Variants in CFAP58 observed in about 807,000 individuals in gnomAD.
CFAP58 encodes cilia- and flagella-associated protein 58.
A neutral mutation model predicts 119.5 loss-of-function variants in CFAP58; 88 were observed. The ratio of observed to expected loss-of-function variants is 0.74; its 90% CI spans 0.62 to 0.88. The LOEUF (loss-of-function observed/expected upper bound fraction) is 0.88, where lower values mean the gene tolerates loss of function less well. Among genes scored for constraint, CFAP58 ranks in the 40% least tolerant of loss-of-function variants. CFAP58 has a pLI of 0.00. For synonymous variants in CFAP58, 365 were observed against 366.3 expected (o/e 1.00, Z 0.04); for missense variants, 990 against 1,021.2 (o/e 0.97, Z 0.42).
intron 7 of CFAP58, among the ~76,000 whole-genome samples, chr10:104,375,785 G>A (rs1320281021): frequency 2.6e-5 from 4 of 151,624 alleles, no homozygotes. Context: ...GGGGTGGATG[G>A]GGTCGGGGGG....
At chr10:104,419,918 A>G (rs1196145494) in intron 15 of CFAP58, among the ~76,000 whole-genome samples, 1 of 152,194 alleles carries the variant, frequency 6.6e-6, no homozygotes. Flanking sequence ...TTTTGGAGGA[A>G]ATATATAGGT....
intron 15 of CFAP58, among the ~76,000 whole-genome samples, chr10:104,442,888 C>G (rs2013061256): frequency 6.6e-6 from 1 of 152,196 alleles, no homozygotes; most frequent in South Asian, 2.1e-4. Context: ...TATGCAAGCT[C>G]TGCTAACTGG....
chr10:104,359,617 T>A (rs2014639988), intron 2 of CFAP58, among the ~76,000 whole-genome samples: 1 of 152,074 alleles, frequency 6.6e-6, no homozygotes, highest in Non-Finnish European at 1.5e-5. Flanking sequence ...GCCAACATGG[T>A]GAAACCCCGT....
rs1026893947 is a variant in CFAP58 at position 104,418,286 on chromosome 10, C to A, written c.2256+11493C>A. On this transcript the variant is annotated intron_variant, in intron 15 of 17. Transcript: ENST00000369704. ...ATTGGAGGCTGGGTGCGGTGGCTCA[C>A]GCCTGTAATCCCAGCACTTTGGGAG... Among the ~76,000 whole-genome samples, 38 of 152,282 alleles carry A rather than the reference C, an allele frequency of 2.5e-4. 1 individual carries two copies. Among genetic ancestry groups the A allele is most frequent in the Middle Eastern group, 3.4e-3 (1 of 294 alleles).
intron 1 of CFAP58, among the ~76,000 whole-genome samples, chr10:104,356,824 A>G (rs2135240815): frequency 6.6e-6 from 1 of 152,342 alleles, no homozygotes; most frequent in Non-Finnish European, 1.5e-5. Flanking sequence ...TTCCCTGTGG[A>G]TAAGCTGTTT....
intron 9 of CFAP58, among the ~76,000 whole-genome samples, chr10:104,385,280 G>T (rs1485122776): frequency 6.6e-6 from 1 of 152,136 alleles, no homozygotes; most frequent in Admixed American, 6.6e-5. Flanking sequence ...CCAGCACATA[G>T]AATGGAAAGT....
intron 4 of CFAP58, among the ~76,000 whole-genome samples, chr10:104,365,370 C>A (rs1217576370): frequency 1.3e-5 from 2 of 152,174 alleles, no homozygotes; most frequent in Non-Finnish European, 2.9e-5. Context: ...AAGAAAAAGG[C>A]TTTTCATAGC....
the CFAP58 span, among the ~76,000 whole-genome samples, chr10:104,348,751 T>G: frequency 2.0e-5 from 3 of 152,204 alleles, no homozygotes; most frequent in Non-Finnish European, 4.4e-5. Context: ...CTCTAACTCA[T>G]ACATATCATT....
At chr10:104,431,860 C>T (rs971689533) in intron 15 of CFAP58, among the ~76,000 whole-genome samples, 2 of 152,072 alleles carry the variant, frequency 1.3e-5, no homozygotes, top group Non-Finnish European at 2.9e-5. Flanking sequence ...TCATTTTCTT[C>T]TTTTTTCCAC....
the CFAP58 span, among the ~76,000 whole-genome samples, chr10:104,339,811 C>T: frequency 4.0e-5 from 6 of 151,894 alleles, no homozygotes; most frequent in Admixed American, 1.3e-4. Context: ...GTGGTGGGGG[C>T]GATCTGGGGA....
chr10:104,407,643 T>C (rs554402702), intron 15 of CFAP58, among the ~76,000 whole-genome samples: 52 of 152,352 alleles, frequency 3.4e-4, no homozygotes, highest in Admixed American at 1.0e-3. Flanking sequence ...TAACATGGTG[T>C]CTAATAAATA....
rs142218964 is a variant in CFAP58 at position 104,392,368 on chromosome 10, T to C, written c.1501T>C (p.Tyr501His). Residue 501 changes from tyrosine (Y) to histidine (H), a missense_variant, in exon 10 of 18, where the codon TAT becomes CAT. By Grantham distance (83) the Tyr-to-His change is moderately conservative. Transcript: ENST00000369704. ...YEAVRSDRNL[Y>H]SKNLVEAQDE... is the part of the protein sequence containing the mutation. ...AGCTGTGAGATCAGACAGAAATCTG[T>C]ATAGCAAAAATCTGGTTGAGGCTCA... 1.9e-6 allele frequency: 3 copies of C among 1,596,818 alleles called. No individual in the cohort carries two copies. The highest frequency in any genetic ancestry group is 2.6e-6 in the Non-Finnish European group (3 of 1,173,726).
At chr10:104,392,039 A>G (rs1274721122) in intron 9 of CFAP58, among the ~76,000 whole-genome samples, 194 bp from the exon 10 acceptor site, 1 of 152,192 alleles carries the variant, frequency 6.6e-6, no homozygotes, top group Non-Finnish European at 1.5e-5. Flanking sequence ...ACTCTAGTAT[A>G]GATAAAATGT....
At chr10:104,398,155 A>T (rs1024250315) in intron 11 of CFAP58, among the ~76,000 whole-genome samples, 1 of 152,252 alleles carries the variant, frequency 6.6e-6, no homozygotes, top group African/African-American at 2.4e-5. Context: ...CCAGGCAGAA[A>T]TATAAACTCC....
At chr10:104,413,104 A>T (rs1022789783) in intron 15 of CFAP58, among the ~76,000 whole-genome samples, 1 of 152,184 alleles carries the variant, frequency 6.6e-6, no homozygotes, top group African/African-American at 2.4e-5. Flanking sequence ...CTAATTTCTC[A>T]TCCACAAATA....
chr10:104,358,123 A>T (rs753226651), intron 1 of CFAP58, among the ~76,000 whole-genome samples: 1 of 150,970 alleles, frequency 6.6e-6, no homozygotes, highest in Non-Finnish European at 1.5e-5. Context: ...ATATATATGT[A>T]CTTATATATA....
At chr10:104,357,980 T>C (rs984137392) in intron 1 of CFAP58, among the ~76,000 whole-genome samples, 28 of 143,400 alleles carry the variant, frequency 2.0e-4, no homozygotes, top group African/African-American at 3.9e-4. Flanking sequence ...CATATGTACA[T>C]ATGTACACAT....
intron 15 of CFAP58, among the ~76,000 whole-genome samples, chr10:104,424,034 G>A (rs1589931207): frequency 6.6e-6 from 1 of 152,104 alleles, no homozygotes; most frequent in African/African-American, 2.4e-5. Flanking sequence ...GAAATCTCTG[G>A]TGGGTCATCA....
intron 15 of CFAP58, among the ~76,000 whole-genome samples, chr10:104,423,762 T>C (rs2012698477): frequency 6.6e-6 from 1 of 152,206 alleles, no homozygotes; most frequent in Admixed American, 6.5e-5. Flanking sequence ...TTCAATTCAG[T>C]TTATTTCAAG....
Sources: gnomAD v4.1 joint callset for allele counts (sites outside exome capture counted in the v4.1 genomes callset) on GRCh38, gnomAD v4.1.1 for gene constraint, MANE v1.5 for transcripts, NCBI Gene and HGNC (gene_info 2026-07-23, HGNC 2026-07-21) for gene names.